The following PLCL1 variants were observed in gnomAD, a reference collection of about 807,000 sequenced individuals.
The protein encoded by PLCL1 is inactive phospholipase C-like protein 1.
PLCL1 carries 41 observed loss-of-function variants against 84.4 expected under a neutral mutation model. The ratio of observed to expected loss-of-function variants is 0.49; its 90% CI spans 0.38 to 0.63. The LOEUF (loss-of-function observed/expected upper bound fraction) is 0.63, where lower values mean the gene tolerates loss of function less well. Ranked by LOEUF, PLCL1 falls within the 30% of genes least tolerant of loss-of-function variation. The probability of loss-of-function intolerance (pLI) is 0.00; values close to 1 mark genes in which losing one functional copy is unlikely to be tolerated. For synonymous variants in PLCL1, 490 were observed against 488.3 expected, an observed-to-expected ratio of 1.00 and a Z score of -0.05; for missense variants, 1,206 against 1,367.8, an observed-to-expected ratio of 0.88 and a Z score of 1.87.
intron 5 of PLCL1, among the ~76,000 whole-genome samples, chr2:198,129,759 G>A (rs758074327): frequency 2.0e-5 from 3 of 151,684 alleles, no homozygotes; most frequent in East Asian, 1.9e-4. Context: ...CTATCTCCTC[G>A]CCTACATAGT....
chr2:198,002,322 C>T (rs1377790418), intron 1 of PLCL1, among the ~76,000 whole-genome samples: 1 of 151,996 alleles, frequency 6.6e-6, no homozygotes, highest in East Asian at 1.9e-4. Context: ...CATATGTATG[C>T]ATTTTTGTTG....
At chr2:197,969,470 A>T (rs1260742032) in intron 1 of PLCL1, among the ~76,000 whole-genome samples, 1 of 152,180 alleles carries the variant, frequency 6.6e-6, no homozygotes, top group Non-Finnish European at 1.5e-5. Context: ...TGGTGCCAGC[A>T]GTAACTTGAC....
At chr2:197,806,548 A>G (rs1172561153) in intron 1 of PLCL1, among the ~76,000 whole-genome samples, 2 of 152,216 alleles carry the variant, frequency 1.3e-5, no homozygotes, top group Non-Finnish European at 2.9e-5. Context: ...TAATATATAA[A>G]GAAGAGTGGG....
chr2:197,885,591 C>A (rs944020533), intron 1 of PLCL1, among the ~76,000 whole-genome samples: 3 of 152,168 alleles, frequency 2.0e-5, no homozygotes, highest in African/African-American at 7.2e-5. Flanking sequence ...TCTGGACATC[C>A]CATGCAAGGT....
At chr2:198,060,382 T>C (rs533310135) in intron 1 of PLCL1, among the ~76,000 whole-genome samples, 243 of 152,308 alleles carry the variant, frequency 1.6e-3, no homozygotes, top group Non-Finnish European at 3.1e-3. Flanking sequence ...TCATTACAGA[T>C]GTTAAATTTA....
At chr2:198,144,932 G>A (rs896362025) in intron 5 of PLCL1, among the ~76,000 whole-genome samples, 3 of 152,180 alleles carry the variant, frequency 2.0e-5, no homozygotes, top group Non-Finnish European at 4.4e-5. Flanking sequence ...TGGATTTTAA[G>A]CTCCAGCTCT....
chr2:197,967,036 A>T (rs1689757656), intron 1 of PLCL1, among the ~76,000 whole-genome samples: 1 of 151,870 alleles, frequency 6.6e-6, no homozygotes, highest in Admixed American at 6.6e-5. Context: ...CTGGGGCAGA[A>T]CTAAACATGG....
rs530749253 is a variant in PLCL1 at position 198,074,268 on chromosome 2, AT to A, written c.241-9487del. On this transcript the variant is annotated intron_variant, in intron 1 of 5. Coordinates refer to ENST00000428675, the MANE Select transcript of PLCL1 (RefSeq NM_006226.4). ...TGAAGAAAGGCTAATTATGTCTCTTATTTCCACTTAAGCTGGTATAACTGTA... is the reference window on the plus strand; with the variant it reads ...TGAAGAAAGGCTAATTATGTCTCTTATTCCACTTAAGCTGGTATAACTGTA... Among the ~76,000 whole-genome samples the A allele has an allele frequency of 5.5e-3, 836 of 152,296 alleles. 4 individuals are homozygous for A. Among genetic ancestry groups the A allele is most frequent in the Non-Finnish European group, 9.4e-3 (640 of 68,008 alleles).
At chr2:198,047,937 G>A (rs1691845668) in intron 1 of PLCL1, among the ~76,000 whole-genome samples, 2 of 152,154 alleles carry the variant, frequency 1.3e-5, no homozygotes. Context: ...CATGCGAGTG[G>A]TGGCAGATTA....
At chr2:198,051,070 G>A (rs1289849484) in intron 1 of PLCL1, among the ~76,000 whole-genome samples, 2 of 152,178 alleles carry the variant, frequency 1.3e-5, no homozygotes, top group South Asian at 2.1e-4. Flanking sequence ...GTTCAAATTG[G>A]TAGGTTTTCC....
At chr2:197,872,034 T>C (rs1574923860) in intron 1 of PLCL1, among the ~76,000 whole-genome samples, 1 of 152,194 alleles carries the variant, frequency 6.6e-6, no homozygotes, top group East Asian at 1.9e-4. Flanking sequence ...ACTTTGTTGC[T>C]GTAGACACTA....
chr2:198,020,827 T>G (rs865918929), intron 1 of PLCL1, among the ~76,000 whole-genome samples: 3 of 152,058 alleles, frequency 2.0e-5, no homozygotes, highest in African/African-American at 2.4e-5. Context: ...CTGCCAATAT[T>G]CAACTGATCA....
intron 3 of PLCL1, among the ~76,000 whole-genome samples, chr2:198,090,232 A>C (rs13431790): frequency 0.021 from 3,237 of 152,284 alleles, 111 homozygotes; most frequent in African/African-American, 0.074. Flanking sequence ...GGTATGGAGA[A>C]GTCCTTACAA....
intron 1 of PLCL1, among the ~76,000 whole-genome samples, chr2:198,057,433 C>G (rs527280161): frequency 6.6e-6 from 1 of 151,858 alleles, no homozygotes; most frequent in Non-Finnish European, 1.5e-5. Context: ...TTAGTCTTCT[C>G]GGTACACCTT....
chr2:197,840,008 A>G (rs1686959373), intron 1 of PLCL1, among the ~76,000 whole-genome samples: 1 of 152,230 alleles, frequency 6.6e-6, no homozygotes, highest in African/African-American at 2.4e-5. Flanking sequence ...AGAACTGTTT[A>G]AAACCTGGCA....
chr2:198,012,484 A>G (rs1559073520), intron 1 of PLCL1, among the ~76,000 whole-genome samples: 2 of 152,078 alleles, frequency 1.3e-5, no homozygotes, highest in Non-Finnish European at 1.5e-5. Flanking sequence ...GACACAACAT[A>G]TGGTTGGATC....
chr2:197,906,892 G>A (rs1688393709), intron 1 of PLCL1, among the ~76,000 whole-genome samples: 1 of 152,168 alleles, frequency 6.6e-6, no homozygotes, highest in African/African-American at 2.4e-5. Flanking sequence ...AGGAATGCTT[G>A]TGATTTTTAC....
chr2:198,047,384 A>G lies in PLCL1; in HGVS notation c.241-36374A>G, dbSNP rs1412822317. On this transcript the variant is annotated intron_variant, in intron 1 of 5. Coordinates refer to ENST00000428675, the MANE Select transcript of PLCL1 (RefSeq NM_006226.4). The stretch of plus-strand genomic sequence containing the variant: ...TTTTTATTAGAGATGGGGTTTCATC[A>G]CGTTGGCTGGGATGATCTCAATCTC... Among the ~76,000 whole-genome samples, 3 of 152,230 alleles carry G rather than the reference A, an allele frequency of 2.0e-5. No homozygotes were observed. In the East Asian group the frequency reaches 5.8e-4, roughly 29 times the overall value.
intron 1 of PLCL1, among the ~76,000 whole-genome samples, chr2:197,839,291 C>G (rs1306675644): frequency 1.3e-5 from 2 of 152,178 alleles, no homozygotes; most frequent in African/African-American, 4.8e-5. Context: ...AATGTATGCT[C>G]TAAATCAGCA....
Sources: allele counts gnomAD v4.1 joint callset (sites outside exome capture counted in the v4.1 genomes callset), GRCh38; gene constraint gnomAD v4.1.1; transcripts MANE v1.5; gene names NCBI Gene and HGNC (gene_info 2026-07-23, HGNC 2026-07-21).